The following GLE1 variants were observed in gnomAD, a reference collection of about 807,000 sequenced individuals.
GLE1 encodes the protein GLE1 RNA export mediator.
Under a neutral mutation model 97.3 loss-of-function variants are expected in GLE1, and 78 were observed. The observed-to-expected ratio is 0.80, with a 90% CI of 0.67 to 0.97. GLE1 has a LOEUF of 0.97. Among genes scored for constraint, GLE1 ranks in the 50% least tolerant of loss-of-function variants. The pLI is 0.00. For synonymous variants in GLE1, 302 were observed against 313.4 expected (o/e 0.96, Z 0.39); for missense variants, 753 against 857.5 (o/e 0.88, Z 1.52).
At chr9:128,513,867 A>C (rs1217193963) in intron 2 of GLE1, among the ~76,000 whole-genome samples, 1 of 151,700 alleles carries the variant, frequency 6.6e-6, no homozygotes, top group African/African-American at 2.4e-5. Context: ...ATACAAAAAA[A>C]ATTATCCTGG....
At chr9:128,528,306 C>CTTT (rs1405724848) in intron 9 of GLE1, among the ~76,000 whole-genome samples, 1 of 130,608 alleles carries the variant, frequency 7.7e-6, no homozygotes. Context: ...GCCCAGCCCC[C>CTTT]TTTTTTTTTT....
At chr9:128,523,501 G>T in intron 5 of GLE1, 91 bp from the exon 6 acceptor site, 1 of 1,539,300 alleles carries the variant, frequency 6.5e-7, no homozygotes, top group South Asian at 1.1e-5. Flanking sequence ...GCCCATCTGT[G>T]AAAATATGTA....
At chr9:128,530,918 A>G (rs1032929953) in intron 9 of GLE1, among the ~76,000 whole-genome samples, 1 of 151,310 alleles carries the variant, frequency 6.6e-6, no homozygotes, top group Non-Finnish European at 1.5e-5. Flanking sequence ...CAAAAAAAAA[A>G]AAAAGGTGGG....
At chr9:128,526,672 G>GTT (rs111552917) in intron 7 of GLE1, among the ~76,000 whole-genome samples, 1 of 145,630 alleles carries the variant, frequency 6.9e-6, no homozygotes, top group African/African-American at 2.5e-5. Context: ...TTTGTTTTTT[G>GTT]TTTTTTTTTT....
chr9:128,511,006 G>A (rs1428292387), intron 2 of GLE1, among the ~76,000 whole-genome samples: 4 of 151,444 alleles, frequency 2.6e-5, no homozygotes, highest in South Asian at 2.1e-4. Flanking sequence ...TCAGTAGTTC[G>A]AGAGCAGCTT....
At chr9:128,531,480 C>T (rs949700598) in intron 9 of GLE1, among the ~76,000 whole-genome samples, 40 of 149,736 alleles carry the variant, frequency 2.7e-4, no homozygotes, top group Non-Finnish European at 3.8e-4. Context: ...AAGCCAAGAT[C>T]GTGCCATTGT....
chr9:128,531,154 C>T (rs1001383183), intron 9 of GLE1, among the ~76,000 whole-genome samples: 18 of 133,636 alleles, frequency 1.3e-4, no homozygotes, highest in East Asian at 9.4e-4. Flanking sequence ...GCAGAAGTTG[C>T]GGTGATCTGA....
At chr9:128,528,845 AACTTCTT>A (rs1420649939) in intron 9 of GLE1, 1 of 152,194 alleles carries the variant, frequency 6.6e-6, no homozygotes, top group Non-Finnish European at 1.5e-5. Flanking sequence ...ACAAGGAAGA[AACTTCTT>A]TAGAACCAGA....
chr9:128,538,904 T>C (rs1295798235), intron 13 of GLE1, among the ~76,000 whole-genome samples: 1 of 152,146 alleles, frequency 6.6e-6, no homozygotes, highest in Admixed American at 6.5e-5. Flanking sequence ...GTACATGCCA[T>C]AACAAATCTG....
chr9:128,519,605 A>G (rs1179866724), intron 3 of GLE1, among the ~76,000 whole-genome samples: 1 of 152,120 alleles, frequency 6.6e-6, no homozygotes, highest in Non-Finnish European at 1.5e-5. Flanking sequence ...TATCAATGAC[A>G]GTGGTGCCTG....
rs1589055742 is a variant in GLE1 at position 128,523,351 on chromosome 9, G to A, written c.642+11G>A. On this transcript the variant is annotated intron_variant, in intron 5 of 15. Coordinates refer to ENST00000309971, the MANE Select transcript of GLE1 (RefSeq NM_001003722.2). ...CGTCACAGAGCAAAGGTCAGAGCCT[G>A]GCAGAATTGGTGTGGGTGTTTTGGT... is the stretch of plus-strand genomic sequence containing the variant. 2 of 1,609,062 alleles carry A rather than the reference G, an allele frequency of 1.2e-6. No individual in the cohort carries two copies. The highest frequency in any genetic ancestry group is 2.2e-5 in the East Asian group (1 of 44,832).
intron 6 of GLE1, 24 bp downstream of exon 6, chr9:128,523,870 C>T (rs763373868): frequency 6.2e-7 from 1 of 1,612,716 alleles, no homozygotes; most frequent in Non-Finnish European, 8.5e-7. Context: ...CAGAGTGACT[C>T]TTTGCTGTCT....
intron 7 of GLE1, among the ~76,000 whole-genome samples, chr9:128,526,552 T>C (rs1847305422): frequency 6.6e-6 from 1 of 152,024 alleles, no homozygotes; most frequent in Admixed American, 6.6e-5. Context: ...GGAGACGGGG[T>C]TTCTCCATGT....
chr9:128,536,118 C>G (rs1445478128), intron 11 of GLE1, among the ~76,000 whole-genome samples: 3 of 152,114 alleles, frequency 2.0e-5, no homozygotes, highest in African/African-American at 7.2e-5. Context: ...CTGCAACCTC[C>G]ACCTCCCAGG....
In GLE1 at chr9:128,515,711, G is replaced by C. The variant is rs1846966199; in HGVS notation, c.432+72G>C. The C allele has an allele frequency of 5.0e-6, 4 of 797,096 alleles. No individual in the cohort carries two copies. The South Asian group carries it at 5.6e-5, about 11-fold the overall frequency. The allele number at this position is 797,096 out of a possible 1,614,324, so 49.4% of individuals were successfully genotyped here. A position where few individuals can be genotyped will look rare whatever the true frequency, so the allele number is the denominator to read the frequency against. On this transcript the variant is annotated intron_variant, in intron 3 of 15. Transcript: ENST00000309971. The stretch of plus-strand genomic sequence containing the variant: ...TTTAACTGCAGTTCCCCAGGGCGTA[G>C]GAATGGGCACTGTATGCTACTCATC...
At chr9:128,528,737 TACA>T (rs1233716654) in intron 9 of GLE1, among the ~76,000 whole-genome samples, 2 of 152,256 alleles carry the variant, frequency 1.3e-5, no homozygotes, top group African/African-American at 4.8e-5. Context: ...GCTTCTGTCC[TACA>T]ACATTAGCTT....
intron 3 of GLE1, among the ~76,000 whole-genome samples, chr9:128,517,594 A>G (rs992233268): frequency 1.3e-5 from 2 of 152,184 alleles, no homozygotes; most frequent in Non-Finnish European, 2.9e-5. Context: ...GTTTTAATTC[A>G]AAGATTTATT....
chr9:128,524,654 C>T (rs1370704749), intron 6 of GLE1, among the ~76,000 whole-genome samples: 2 of 142,636 alleles, frequency 1.4e-5, no homozygotes, highest in African/African-American at 2.6e-5. Context: ...CAGGTTCAAG[C>T]GATTCTCGGA....
intron 1 of GLE1, among the ~76,000 whole-genome samples, chr9:128,506,579 T>C (rs1322591879): frequency 6.6e-6 from 1 of 152,178 alleles, no homozygotes; most frequent in Non-Finnish European, 1.5e-5. Flanking sequence ...AGAGGCTGAC[T>C]CTTTTGAAGT....
Sources: allele counts gnomAD v4.1 joint callset (sites outside exome capture counted in the v4.1 genomes callset), GRCh38; gene constraint gnomAD v4.1.1; transcripts MANE v1.5; gene names NCBI Gene and HGNC (gene_info 2026-07-23, HGNC 2026-07-21).